The following NTRK2 variants were observed in gnomAD, a reference collection of about 807,000 sequenced individuals.
NTRK2 encodes the protein BDNF/NT-3 growth factors receptor.
NTRK2 carries 13 observed loss-of-function variants against 94.5 expected under a neutral mutation model. The ratio of observed to expected loss-of-function variants is 0.14; its 90% CI spans 0.09 to 0.22. The LOEUF (loss-of-function observed/expected upper bound fraction) is 0.22, where lower values mean the gene tolerates loss of function less well. NTRK2 is among the 10% of genes least tolerant of loss of function. The probability of loss-of-function intolerance (pLI) is 1.00; values close to 1 mark genes in which losing one functional copy is unlikely to be tolerated. For synonymous variants in NTRK2, 372 were observed against 407.4 expected, an observed-to-expected ratio of 0.91 and a Z score of 1.05; for missense variants, 639 against 1,071.2, an observed-to-expected ratio of 0.60 and a Z score of 5.63.
chr9:84,814,575 T>C, intron 12 of NTRK2: 5 of 1,065,930 alleles, frequency 4.7e-6, no homozygotes, highest in Admixed American at 5.3e-5. Context: ...GGAATCAAGA[T>C]ACTACACAAG....
At chr9:84,764,533 T>C (rs1184409879) in intron 12 of NTRK2, among the ~76,000 whole-genome samples, 2 of 152,202 alleles carry the variant, frequency 1.3e-5, no homozygotes, top group African/African-American at 4.8e-5. Context: ...GGGAGGGTCA[T>C]AGGATTATAG....
At chr9:84,688,893 G>T (rs1432731999) in intron 2 of NTRK2, among the ~76,000 whole-genome samples, 1 of 152,152 alleles carries the variant, frequency 6.6e-6, no homozygotes, top group Non-Finnish European at 1.5e-5. Context: ...AGTGATTCCT[G>T]TTGTAACATT....
chr9:84,724,953 A>T (rs958749299), intron 8 of NTRK2, among the ~76,000 whole-genome samples: 2 of 152,228 alleles, frequency 1.3e-5, no homozygotes, highest in African/African-American at 4.8e-5. Flanking sequence ...TTTTTAATTA[A>T]ACATAAGTAC....
intron 14 of NTRK2, among the ~76,000 whole-genome samples, chr9:84,889,543 G>T (rs1378089345): frequency 2.0e-5 from 3 of 152,104 alleles, no homozygotes; most frequent in Non-Finnish European, 4.4e-5. Context: ...CTCCTGAGTA[G>T]ATGGGATTCC....
chr9:84,813,693 G>A, intron 12 of NTRK2: 21 of 1,066,084 alleles, frequency 2.0e-5, no homozygotes, highest in Non-Finnish European at 2.4e-5. Context: ...TCCCTGGTTG[G>A]TCCTACTCCC....
At chr9:84,722,191 C>T (rs1399108648) in intron 6 of NTRK2, among the ~76,000 whole-genome samples, 1 of 137,888 alleles carries the variant, frequency 7.3e-6, no homozygotes, top group Non-Finnish European at 1.5e-5. Context: ...TTTTGAAACC[C>T]CATGAAAGAT....
At chr9:84,782,037 AAC>A (rs58851217) in intron 12 of NTRK2, among the ~76,000 whole-genome samples, 3,392 of 149,588 alleles carry the variant, frequency 0.023, 113 homozygotes, top group African/African-American at 0.072. Flanking sequence ...CCTCCAAGAA[AAC>A]ACACACACAC....
chr9:84,946,351 A>G (rs577703363), intron 15 of NTRK2, among the ~76,000 whole-genome samples: 1 of 152,318 alleles, frequency 6.6e-6, no homozygotes, highest in African/African-American at 2.4e-5. Flanking sequence ...GGCCTTCATC[A>G]TTCATTACAC....
At chr9:84,816,134 C>T (rs772476526) in intron 12 of NTRK2, among the ~76,000 whole-genome samples, 4 of 151,938 alleles carry the variant, frequency 2.6e-5, no homozygotes, top group Non-Finnish European at 4.4e-5. Context: ...TTCTAAATGA[C>T]TTTGTGGACA....
At chr9:85,014,017 A>AG (rs1831938111) in intron 17 of NTRK2, among the ~76,000 whole-genome samples, 1 of 152,218 alleles carries the variant, frequency 6.6e-6, no homozygotes, top group Non-Finnish European at 1.5e-5. Flanking sequence ...GTCTGTGGAA[A>AG]GGCTCCTGTC....
chr9:84,955,244 G>T (rs1467523625), intron 16 of NTRK2, 39 bp from the exon 17 acceptor site: 3 of 1,534,748 alleles, frequency 2.0e-6, no homozygotes, highest in Non-Finnish European at 2.7e-6. Context: ...GAGTGAAAAT[G>T]CTGAGGCCCC....
intron 14 of NTRK2, 40 bp from the exon 15 acceptor site, chr9:84,934,121 CA>C (rs1564478220): frequency 1.2e-6 from 2 of 1,612,602 alleles, no homozygotes; most frequent in Admixed American, 3.3e-5. Context: ...TTCACCTCCA[CA>C]TGCTTCAATT....
intron 12 of NTRK2, among the ~76,000 whole-genome samples, chr9:84,761,919 T>A (rs1197594665): frequency 1.3e-5 from 2 of 152,312 alleles, no homozygotes; most frequent in African/African-American, 4.8e-5. Flanking sequence ...CTCCCATAAT[T>A]CTCATGTGTC....
chr9:84,705,036 A>T (rs1257799058), intron 4 of NTRK2, among the ~76,000 whole-genome samples: 3 of 152,124 alleles, frequency 2.0e-5, no homozygotes, highest in Non-Finnish European at 4.4e-5. Context: ...AAGGGAGCTG[A>T]TAACAAAATA....
At chr9:84,767,294 T>C (rs969323700) in intron 12 of NTRK2, among the ~76,000 whole-genome samples, 2 of 152,218 alleles carry the variant, frequency 1.3e-5, no homozygotes, top group African/African-American at 4.8e-5. Context: ...GTGAGAATTT[T>C]ATTTTTCCTC....
intron 13 of NTRK2, among the ~76,000 whole-genome samples, chr9:84,861,530 TC>T (rs535551731): frequency 4.7e-4 from 72 of 152,342 alleles, no homozygotes; most frequent in Non-Finnish European, 8.7e-4. Context: ...TGACCATTCC[TC>T]TTTCAAAACA....
chr9:84,733,252 C>T (rs533302787), intron 9 of NTRK2, among the ~76,000 whole-genome samples: 25 of 152,272 alleles, frequency 1.6e-4, no homozygotes, highest in Admixed American at 7.8e-4. Context: ...TCTCTCCTTC[C>T]GGGGATATCT....
At chr9:84,872,005 T>C in intron 14 of NTRK2, 1 of 1,507,426 alleles carries the variant, frequency 6.6e-7, no homozygotes, top group Non-Finnish European at 8.9e-7. Context: ...AGCAGTGTGC[T>C]CTAATGACTA....
intron 12 of NTRK2, among the ~76,000 whole-genome samples, chr9:84,805,125 C>T (rs1015432329): frequency 1.3e-5 from 2 of 152,210 alleles, no homozygotes; most frequent in African/African-American, 4.8e-5. Flanking sequence ...GATTAGAGCA[C>T]ATTCCCCTTA....
Sources: allele counts gnomAD v4.1 joint callset (sites outside exome capture counted in the v4.1 genomes callset), GRCh38; gene constraint gnomAD v4.1.1; transcripts MANE v1.5; gene names NCBI Gene and HGNC (gene_info 2026-07-23, HGNC 2026-07-21).